Variants in EIF2AK3 observed in about 807,000 individuals in gnomAD.
EIF2AK3 encodes the protein eukaryotic translation initiation factor 2 alpha kinase 3, also known as eukaryotic translation initiation factor 2-alpha kinase 3.
EIF2AK3 carries 50 observed loss-of-function variants against 113.5 expected under a neutral mutation model. The observed-to-expected ratio is 0.44, with a 90% confidence interval of 0.35 to 0.56. The LOEUF is 0.56. EIF2AK3 is among the 20% of genes least tolerant of loss of function. The probability of loss-of-function intolerance (pLI) is 0.00; values close to 1 mark genes in which losing one functional copy is unlikely to be tolerated. For missense variants in EIF2AK3, 1,185 were observed against 1,378.0 expected (o/e 0.86, Z 2.22); for synonymous variants, 448 against 495.4 (o/e 0.90, Z 1.27).
At chr2:88,586,153 TATCAC>T (rs1211563175) in intron 8 of EIF2AK3, 92 bp from the exon 9 acceptor site, 3 of 986,588 alleles carry the variant, frequency 3.0e-6, no homozygotes, top group African/African-American at 1.6e-5. Flanking sequence ...TCCTGTGACT[TATCAC>T]ATTAATTCCT....
chr2:88,568,683 T>C (rs1402277663), intron 14 of EIF2AK3, among the ~76,000 whole-genome samples: 1 of 152,196 alleles, frequency 6.6e-6, no homozygotes, highest in African/African-American at 2.4e-5. Flanking sequence ...CCCATAAATA[T>C]GTACAATTAT....
intron 2 of EIF2AK3, among the ~76,000 whole-genome samples, chr2:88,604,783 G>A (rs909220671): frequency 5.3e-5 from 8 of 152,186 alleles, no homozygotes; most frequent in South Asian, 2.1e-4. Flanking sequence ...GCTGAGCTAC[G>A]TGCTAAGTAT....
chr2:88,586,955 C>T (rs1425315960), intron 8 of EIF2AK3, among the ~76,000 whole-genome samples: 1 of 149,892 alleles, frequency 6.7e-6, no homozygotes. Context: ...GCCTGTAATC[C>T]AGACACTTTG....
At chr2:88,571,174 G>T in intron 13 of EIF2AK3, 133 bp from the exon 14 acceptor site, 1 of 1,121,086 alleles carries the variant, frequency 8.9e-7, no homozygotes, top group Non-Finnish European at 1.3e-6. Flanking sequence ...TTTTAAAATG[G>T]GCTAACAGGA....
At chr2:88,594,919 C>A (rs1418091344) in intron 3 of EIF2AK3, among the ~76,000 whole-genome samples, 1 of 150,314 alleles carries the variant, frequency 6.7e-6, no homozygotes, top group Non-Finnish European at 1.5e-5. Context: ...TGAGGCTGGG[C>A]ATGGTGGCTC....
At chr2:88,618,698 G>T (rs1434849098) in intron 1 of EIF2AK3, among the ~76,000 whole-genome samples, 2 of 152,186 alleles carry the variant, frequency 1.3e-5, no homozygotes, top group East Asian at 3.9e-4. Flanking sequence ...GATGAAGAAG[G>T]CATATTGAAC....
chr2:88,596,618 A>T (rs968173571), intron 2 of EIF2AK3, among the ~76,000 whole-genome samples: 13 of 152,156 alleles, frequency 8.5e-5, no homozygotes, highest in Non-Finnish European at 1.8e-4. Flanking sequence ...ACGCCAGGCC[A>T]GGCTTTGCAA....
At chr2:88,574,602 G>T (rs1416694442) in intron 13 of EIF2AK3, 64 bp downstream of exon 13, 4 of 1,579,254 alleles carry the variant, frequency 2.5e-6, no homozygotes, top group Non-Finnish European at 3.5e-6. Flanking sequence ...AGTACTGCAA[G>T]TACTGCTCTG....
intron 8 of EIF2AK3, among the ~76,000 whole-genome samples, chr2:88,587,264 T>C (rs944864113): frequency 2.6e-4 from 38 of 147,118 alleles, no homozygotes; most frequent in Non-Finnish European, 4.0e-4. Flanking sequence ...TTCAGAGCCA[T>C]TTTTTTTTAA....
intron 14 of EIF2AK3, among the ~76,000 whole-genome samples, chr2:88,566,819 G>A (rs1439410041): frequency 6.6e-6 from 1 of 152,086 alleles, no homozygotes; most frequent in East Asian, 1.9e-4. Context: ...ATGGCGGTGT[G>A]GACCTGTAAT....
chr2:88,558,818 T>G, intron 16 of EIF2AK3, 99 bp downstream of exon 16: 3 of 988,124 alleles, frequency 3.0e-6, no homozygotes, highest in Non-Finnish European at 4.6e-6. Flanking sequence ...ACCTTTGGCT[T>G]CCTCATCTGT....
chr2:88,578,418 C>G (rs1263915429), intron 11 of EIF2AK3, among the ~76,000 whole-genome samples: 1 of 151,932 alleles, frequency 6.6e-6, no homozygotes, highest in East Asian at 1.9e-4. Context: ...TGTGGTGGTG[C>G]ATGCCTGTAA....
At chr2:88,584,812 G>C (rs949831415) in intron 9 of EIF2AK3, among the ~76,000 whole-genome samples, 12 of 152,118 alleles carry the variant, frequency 7.9e-5, no homozygotes, top group African/African-American at 2.4e-4. Context: ...GCACCACCAG[G>C]CTAAGCGAGA....
intron 1 of EIF2AK3, among the ~76,000 whole-genome samples, chr2:88,626,202 G>C (rs1675853785): frequency 6.6e-6 from 1 of 152,094 alleles, no homozygotes; most frequent in Admixed American, 6.5e-5. Context: ...AACATTTTTT[G>C]AATGCTGAGA....
At chr2:88,625,165 G>A (rs543809501) in intron 1 of EIF2AK3, among the ~76,000 whole-genome samples, 211 of 152,230 alleles carry the variant, frequency 1.4e-3, no homozygotes, top group Middle Eastern at 6.8e-3. Context: ...ACTCCCAAGT[G>A]ACAATGATGC....
rs756689823 is a variant in EIF2AK3 at position 88,575,493 on chromosome 2, T to C, written c.2037-47A>G. Reference sequence around the variant, plus strand: ...AGGGGTAAGAGTGAATATATATTGATTCAAGTACCTGAACTGCACCCTCTG... The same window carrying C: ...AGGGGTAAGAGTGAATATATATTGACTCAAGTACCTGAACTGCACCCTCTG... On this transcript the variant is annotated intron_variant, in intron 12 of 16. Transcript: ENST00000303236. The C allele has an allele frequency of 3.1e-6, 5 of 1,590,832 alleles. No homozygotes were observed. The African/African-American group carries it at 6.7e-5, about 21-fold the overall frequency.
intron 11 of EIF2AK3, among the ~76,000 whole-genome samples, chr2:88,577,849 A>G (rs917870040): frequency 1.3e-5 from 2 of 152,198 alleles, no homozygotes; most frequent in African/African-American, 4.8e-5. Context: ...ACTGAGGGAA[A>G]GGCTACTCTT....
intron 2 of EIF2AK3, among the ~76,000 whole-genome samples, chr2:88,600,279 T>C (rs1172586535): frequency 6.6e-6 from 1 of 152,146 alleles, no homozygotes; most frequent in African/African-American, 2.4e-5. Context: ...GCAGTTCAGG[T>C]ACAGAGATGA....
chr2:88,593,039 G>C (rs1674924881), intron 4 of EIF2AK3, among the ~76,000 whole-genome samples: 2 of 152,146 alleles, frequency 1.3e-5, no homozygotes, highest in African/African-American at 4.8e-5. Context: ...GTACTCGGGA[G>C]GCAGAGGCAG....
Sources: gnomAD v4.1 joint callset for allele counts (sites outside exome capture counted in the v4.1 genomes callset) on GRCh38, gnomAD v4.1.1 for gene constraint, MANE v1.5 for transcripts, NCBI Gene and HGNC (gene_info 2026-07-23, HGNC 2026-07-21) for gene names.